The following LTF variants were observed in gnomAD, a reference collection of about 807,000 sequenced individuals.
LTF encodes the protein epididymis luminal protein 110.
A neutral mutation model predicts 87.2 loss-of-function variants in LTF; 91 were observed. The ratio of observed to expected loss-of-function variants is 1.04; its 90% CI spans 0.88 to 1.24. The LOEUF is 1.24. LTF is among the 50% of genes most tolerant of loss of function. LTF has a pLI of 0.00. For synonymous variants in LTF, 378 were observed against 356.1 expected, an observed-to-expected ratio of 1.06 and a Z score of -0.69; for missense variants, 901 against 904.3, an observed-to-expected ratio of 1.00 and a Z score of 0.05.
rs1396093719 is a variant in LTF, at chr3:46,439,415, C to T, written c.1789G>A (p.Gly597Ser). Residue 597 changes from glycine (G) to serine (S), a missense_variant, in exon 15 of 17, where the codon GGC becomes AGC. Coordinates refer to ENST00000231751, the MANE Select transcript of LTF (RefSeq NM_002343.6). ...GCCTCAGTCACAGGCTTCCGTTTGC[C>T]ATCGAGGCACAGCAGCGCAAAGTCT... Reference protein sequence around the residue: ...LADFALLCLDGKRKPVTEARS... With the variant: ...LADFALLCLDSKRKPVTEARS... 1 of 1,614,204 alleles carries T rather than the reference C, an allele frequency of 6.2e-7. No individual in the cohort carries two copies.
chr3:46,466,175 G>A (rs540545621), upstream of LTF, among the ~76,000 whole-genome samples: 3 of 152,198 alleles, frequency 2.0e-5, no homozygotes, highest in South Asian at 4.1e-4. Flanking sequence ...GGGAGATGAA[G>A]GTGGCAGTGA....
chr3:46,482,629 A>AAAG lies in LTF; in HGVS notation c.-320+2354_-320+2356dup, dbSNP rs202027508. 1.2e-3 allele frequency among the ~76,000 whole-genome samples: 88 copies of AAAG among 75,314 alleles called. 3 individuals carry two copies. The highest frequency in any genetic ancestry group is 2.9e-3 in the South Asian group (5 of 1,718). The allele number at this position is 75,314 out of a possible 152,430, so 49.4% of individuals were successfully genotyped here. On this transcript the variant is annotated intron_variant, in intron 1 of 19. Transcript: ENST00000443496. ...AGAAAGAAGAAAGAAAGAAAGAAAG[A>AAAG]AAGAAAGAAAGAAAGAAAGAAAGAA...
chr3:46,454,054 G>C, intron 6 of LTF: 1 of 517,804 alleles, frequency 1.9e-6, no homozygotes, highest in Middle Eastern at 4.8e-4. Flanking sequence ...GTGTCTTGGA[G>C]GACTGGAGGA....
intron 2 of LTF, among the ~76,000 whole-genome samples, chr3:46,470,170 T>G (rs1230262388): frequency 6.6e-6 from 1 of 152,278 alleles, no homozygotes; most frequent in East Asian, 1.9e-4. Flanking sequence ...CCCAAGTTCC[T>G]GGCAGAATCT....
rs1286753755 is a variant in LTF at position 46,435,983 on chromosome 3, A to C, written c.*212T>G. The C allele has an allele frequency of 1.2e-5, 7 of 584,664 alleles. No homozygotes were observed. In the South Asian group the frequency reaches 1.4e-4, roughly 12 times the overall value. 36.2% of individuals were successfully genotyped at this position (584,664 alleles called of 1,614,324 possible). ...GCATGTGATTTCAGTATAAAATTCT[A>C]GAAAAGATGAGTGACACTTTATAAG... On this transcript the variant is annotated 3_prime_UTR_variant, in exon 17 of 17. Coordinates refer to ENST00000231751, the MANE Select transcript of LTF (RefSeq NM_002343.6).
intron 5 of LTF, 68 bp downstream of exon 5, chr3:46,455,227 G>A: frequency 6.3e-7 from 1 of 1,598,492 alleles, no homozygotes; most frequent in Non-Finnish European, 8.6e-7. Context: ...TGGGGCCAGA[G>A]AAAAGGCCTC....
chr3:46,481,973 G>C (rs1418707963), intron 1 of LTF, among the ~76,000 whole-genome samples: 1 of 152,190 alleles, frequency 6.6e-6, no homozygotes, highest in Non-Finnish European at 1.5e-5. Flanking sequence ...TTGTGGTAAA[G>C]AGTAAGAAGA....
chr3:46,482,992 G>A (rs759514568), intron 1 of LTF, among the ~76,000 whole-genome samples: 9 of 152,220 alleles, frequency 5.9e-5, no homozygotes, highest in Admixed American at 3.3e-4. Flanking sequence ...CTGATTTGTA[G>A]CATTTGCCAG....
At chr3:46,444,786 G>T (rs1264390895) in intron 12 of LTF, among the ~76,000 whole-genome samples, 1 of 152,300 alleles carries the variant, frequency 6.6e-6, no homozygotes, top group East Asian at 1.9e-4. Context: ...ATGAGTGTGG[G>T]GTGTGGTGGG....
chr3:46,443,296 C>T, intron 13 of LTF, 145 bp downstream of exon 13: 2 of 973,378 alleles, frequency 2.1e-6, no homozygotes, highest in Non-Finnish European at 3.1e-6. Context: ...GGGGACAGCC[C>T]TCACTGGGGC....
intron 1 of LTF, among the ~76,000 whole-genome samples, chr3:46,480,408 C>T (rs1454229136): frequency 6.6e-6 from 1 of 152,148 alleles, no homozygotes; most frequent in African/African-American, 2.4e-5. Flanking sequence ...GCCCATTGTG[C>T]CTGTGGTGAT....
At chr3:46,454,412 C>T (rs1702875955) in intron 5 of LTF, 52 bp from the exon 6 acceptor site, 1 of 1,456,450 alleles carries the variant, frequency 6.9e-7, no homozygotes, top group Admixed American at 1.7e-5. Flanking sequence ...TCCCCAGCCC[C>T]TCCCTGTGGA....
intron 2 of LTF, among the ~76,000 whole-genome samples, chr3:46,456,991 C>T (rs4683232): frequency 0.19 from 29,058 of 152,054 alleles, 4,435 homozygotes; most frequent in African/African-American, 0.41. Flanking sequence ...ATTGGATTCT[C>T]ATAGGGAGTG....
intron 1 of LTF, among the ~76,000 whole-genome samples, chr3:46,484,797 C>A (rs1703495370): frequency 6.6e-6 from 1 of 152,208 alleles, no homozygotes; most frequent in African/African-American, 2.4e-5. Flanking sequence ...CATGCCCCTA[C>A]CCACCACCTC....
upstream of LTF, among the ~76,000 whole-genome samples, chr3:46,465,382 C>A (rs1305415881): frequency 2.0e-5 from 3 of 152,186 alleles, no homozygotes; most frequent in Admixed American, 1.3e-4. Flanking sequence ...CCCGACCACC[C>A]CCAGCAGCAG....
At chr3:46,467,048 C>A (rs1293354611), upstream of LTF, among the ~76,000 whole-genome samples, 1 of 152,134 alleles carries the variant, frequency 6.6e-6, no homozygotes, top group African/African-American at 2.4e-5. Context: ...GGCAACAGGG[C>A]AGACTGTTTT....
chr3:46,445,639 A>G (rs1702635047), intron 11 of LTF, among the ~76,000 whole-genome samples: 1 of 152,238 alleles, frequency 6.6e-6, no homozygotes. Flanking sequence ...ATGAAATAAA[A>G]CAGTAAGAAA....
chr3:46,456,264 C>T, intron 3 of LTF, 26 bp downstream of exon 3: 1 of 1,600,828 alleles, frequency 6.2e-7, no homozygotes, highest in Non-Finnish European at 8.6e-7. Flanking sequence ...GCCACCGTGG[C>T]CTCTGGGTCC....
chr3:46,445,215 G>A (rs1442895648), intron 12 of LTF, 66 bp downstream of exon 12: 3 of 1,462,576 alleles, frequency 2.1e-6, no homozygotes, highest in Non-Finnish European at 2.8e-6. Context: ...CCTTCCCTAA[G>A]GTTCCACAGC....
Sources: allele counts gnomAD v4.1 joint callset (sites outside exome capture counted in the v4.1 genomes callset), GRCh38; gene constraint gnomAD v4.1.1; transcripts MANE v1.5; gene names NCBI Gene and HGNC (gene_info 2026-07-23, HGNC 2026-07-21).